The following CADPS2 variants were observed in gnomAD, a reference collection of about 807,000 sequenced individuals.
CADPS2 encodes calcium dependent secretion activator 2.
A neutral mutation model predicts 172.5 loss-of-function variants in CADPS2; 93 were observed. The ratio of observed to expected loss-of-function variants is 0.54; its 90% CI spans 0.46 to 0.64. The LOEUF (loss-of-function observed/expected upper bound fraction) is 0.64, where lower values mean the gene tolerates loss of function less well. Among genes scored for constraint, CADPS2 ranks in the 30% least tolerant of loss-of-function variants. The probability of loss-of-function intolerance (pLI) is 0.00; values close to 1 mark genes in which losing one functional copy is unlikely to be tolerated. For synonymous variants in CADPS2, 546 were observed against 555.2 expected, an observed-to-expected ratio of 0.98 and a Z score of 0.23; for missense variants, 1,420 against 1,565.9, an observed-to-expected ratio of 0.91 and a Z score of 1.57.
intron 28 of CADPS2, chr7:122,338,942 T>C (rs1210070279): frequency 6.6e-6 from 1 of 151,930 alleles, no homozygotes; most frequent in Non-Finnish European, 1.5e-5. Flanking sequence ...TTTTTTTTTT[T>C]TTTGTAGAGA....
intron 2 of CADPS2, among the ~76,000 whole-genome samples, chr7:122,666,030 C>T (rs1197225724): frequency 1.9e-5 from 2 of 105,764 alleles, no homozygotes; most frequent in African/African-American, 6.9e-5. Flanking sequence ...TACCTCCCTT[C>T]TCAACCTCAT....
chr7:122,390,571 T>C (rs893613619), intron 22 of CADPS2, among the ~76,000 whole-genome samples: 2 of 152,070 alleles, frequency 1.3e-5, no homozygotes, highest in African/African-American at 4.8e-5. Flanking sequence ...CTACTAAAAA[T>C]AGATTTTCTA....
intron 2 of CADPS2, among the ~76,000 whole-genome samples, chr7:122,728,966 G>A (rs1047035886): frequency 6.6e-6 from 1 of 151,624 alleles, no homozygotes; most frequent in Non-Finnish European, 1.5e-5. Context: ...TCAAACATTA[G>A]AACTTTAACT....
At chr7:122,691,749 G>A (rs2084398365) in intron 2 of CADPS2, among the ~76,000 whole-genome samples, 1 of 152,136 alleles carries the variant, frequency 6.6e-6, no homozygotes, top group Admixed American at 6.5e-5. Flanking sequence ...CCACACAGTG[G>A]CACCATCCCA....
At chr7:122,584,437 C>T (rs746938004) in intron 6 of CADPS2, among the ~76,000 whole-genome samples, 1 of 151,730 alleles carries the variant, frequency 6.6e-6, no homozygotes, top group Admixed American at 6.6e-5. Flanking sequence ...CTGTTATGTC[C>T]TTCTTCATTC....
intron 8 of CADPS2, among the ~76,000 whole-genome samples, chr7:122,546,338 G>A (rs1190147976): frequency 6.6e-6 from 1 of 152,142 alleles, no homozygotes; most frequent in Admixed American, 6.6e-5. Context: ...TTCTAGTTAT[G>A]ATTATATAGA....
intron 1 of CADPS2, among the ~76,000 whole-genome samples, chr7:122,746,825 T>G (rs2092738014): frequency 6.6e-6 from 1 of 152,130 alleles, no homozygotes; most frequent in African/African-American, 2.4e-5. Flanking sequence ...GCCTTACTAA[T>G]GATAATCAAG....
At chr7:122,786,723 G>A (rs1402344063) in intron 1 of CADPS2, among the ~76,000 whole-genome samples, 1 of 152,078 alleles carries the variant, frequency 6.6e-6, no homozygotes, top group Non-Finnish European at 1.5e-5. Context: ...TATGAGAATT[G>A]AGTCGAGGAC....
intron 2 of CADPS2, chr7:122,698,822 T>C (rs974868981): frequency 1.2e-6 from 2 of 1,613,698 alleles, no homozygotes; most frequent in Non-Finnish European, 1.7e-6. Flanking sequence ...ACACTTGCTC[T>C]GCAACAGTTC....
chr7:122,676,626 T>G (rs2082408258), intron 2 of CADPS2: 1 of 1,366,794 alleles, frequency 7.3e-7, no homozygotes, highest in Non-Finnish European at 1.0e-6. Flanking sequence ...CCATGATGAC[T>G]GATCAGCTCA....
chr7:122,450,896 G>A (rs2053005591), intron 15 of CADPS2, among the ~76,000 whole-genome samples: 1 of 152,062 alleles, frequency 6.6e-6, no homozygotes. Flanking sequence ...CTCAGAGAAT[G>A]TAAGTAAAAA....
chr7:122,350,595 C>T (rs1209687566), intron 27 of CADPS2, among the ~76,000 whole-genome samples: 5 of 152,110 alleles, frequency 3.3e-5, no homozygotes, highest in Admixed American at 6.5e-5. Context: ...TGTATTCCCA[C>T]AGAAAACCAG....
intron 9 of CADPS2, among the ~76,000 whole-genome samples, chr7:122,494,861 A>ACCTTGCTCCCATAAGG (rs2058607313): frequency 6.7e-6 from 1 of 149,084 alleles, no homozygotes; most frequent in African/African-American, 2.5e-5. Flanking sequence ...TACAAATGAA[A>ACCTTGCTCCCATAAGG]GTCAGTTGCT....
chr7:122,815,156 TG>T (rs1014232173), intron 1 of CADPS2, among the ~76,000 whole-genome samples: 4 of 152,100 alleles, frequency 2.6e-5, no homozygotes, highest in Non-Finnish European at 5.9e-5. Flanking sequence ...ATAAAGAAAG[TG>T]GTTTGAGCGT....
intron 1 of CADPS2, among the ~76,000 whole-genome samples, chr7:122,853,118 TTCTC>T (rs1282966922): frequency 1.3e-5 from 2 of 152,226 alleles, no homozygotes; most frequent in African/African-American, 2.4e-5. Context: ...CTCCCATCTA[TTCTC>T]CTCCCTCCTA....
intron 1 of CADPS2, among the ~76,000 whole-genome samples, chr7:122,792,476 C>T (rs1246847866): frequency 2.0e-5 from 3 of 152,128 alleles, no homozygotes; most frequent in Non-Finnish European, 4.4e-5. Flanking sequence ...TGACCTTGGA[C>T]CTTCCAGCCT....
chr7:122,720,249 T>C (rs1439126747), intron 2 of CADPS2, among the ~76,000 whole-genome samples: 2 of 152,112 alleles, frequency 1.3e-5, no homozygotes, highest in South Asian at 2.1e-4. Flanking sequence ...ATTACACTTT[T>C]AGTTATAATT....
At chr7:122,800,802 C>T (rs972760144) in intron 1 of CADPS2, among the ~76,000 whole-genome samples, 1 of 152,018 alleles carries the variant, frequency 6.6e-6, no homozygotes, top group African/African-American at 2.4e-5. Flanking sequence ...ACCAGCCTGA[C>T]CAACATGGTA....
At chr7:122,514,700 C>T (rs2060229242) in intron 8 of CADPS2, among the ~76,000 whole-genome samples, 1 of 152,036 alleles carries the variant, frequency 6.6e-6, no homozygotes, top group Non-Finnish European at 1.5e-5. Context: ...ATACATAGAA[C>T]AGTGTTGTTT....
Sources: gnomAD v4.1 joint callset for allele counts (sites outside exome capture counted in the v4.1 genomes callset) on GRCh38, gnomAD v4.1.1 for gene constraint, MANE v1.5 for transcripts, NCBI Gene and HGNC (gene_info 2026-07-23, HGNC 2026-07-21) for gene names.